The following BMAL2 variants were observed in gnomAD, a reference collection of about 807,000 sequenced individuals.
BMAL2 encodes basic helix-loop-helix ARNT-like protein 2.
the BMAL2 span, among the ~76,000 whole-genome samples, chr12:27,382,143 G>C: frequency 1.3e-5 from 2 of 152,098 alleles, no homozygotes; most frequent in Non-Finnish European, 2.9e-5. Context: ...CACAGCTGAG[G>C]CTTGCAATAT....
At chr12:27,424,275 T>G in the BMAL2 span, 4 of 152,238 alleles carry the variant, frequency 2.6e-5, no homozygotes. Flanking sequence ...GAACAATTAT[T>G]TATTGATCCT....
chr12:27,366,939 C>T, the BMAL2 span, among the ~76,000 whole-genome samples: 10 of 152,272 alleles, frequency 6.6e-5, no homozygotes, highest in South Asian at 2.1e-4. Flanking sequence ...TGATGACAGT[C>T]GGCCCCTCTT....
the BMAL2 span, among the ~76,000 whole-genome samples, chr12:27,402,110 G>C: frequency 6.6e-6 from 1 of 152,142 alleles, no homozygotes; most frequent in African/African-American, 2.4e-5. Context: ...TCCAGCCCAG[G>C]TGTTGCTTTA....
the BMAL2 span, chr12:27,403,585 A>G: frequency 4.0e-6 from 5 of 1,236,842 alleles, no homozygotes; most frequent in Non-Finnish European, 5.8e-6. Flanking sequence ...TAAAAATATC[A>G]TATTTATAAA....
the BMAL2 span, among the ~76,000 whole-genome samples, chr12:27,409,353 A>G: frequency 2.6e-5 from 4 of 152,170 alleles, no homozygotes; most frequent in African/African-American, 7.2e-5. Flanking sequence ...TGTACTACAA[A>G]GCTACAGTAA....
At chr12:27,390,767 C>T in the BMAL2 span, among the ~76,000 whole-genome samples, 2 of 152,030 alleles carry the variant, frequency 1.3e-5, no homozygotes, top group Non-Finnish European at 2.9e-5. Flanking sequence ...ATTAAATAGT[C>T]ATCTATTTAA....
At chr12:27,333,857 C>T in the BMAL2 span, among the ~76,000 whole-genome samples, 1 of 152,270 alleles carries the variant, frequency 6.6e-6, no homozygotes, top group Non-Finnish European at 1.5e-5. Context: ...CGCTAGTATT[C>T]ACTGGCAGTA....
the BMAL2 span, among the ~76,000 whole-genome samples, chr12:27,399,825 A>G: frequency 1.1e-4 from 16 of 152,128 alleles, no homozygotes; most frequent in African/African-American, 3.9e-4. Context: ...CTCATTGTTT[A>G]TGCCCGTATT....
At chr12:27,400,748 T>C in the BMAL2 span, 1 of 1,611,372 alleles carries the variant, frequency 6.2e-7, no homozygotes, top group Non-Finnish European at 8.5e-7. Context: ...TTGCAGTGAA[T>C]GGAAAATTTG....
chr12:27,414,014 G>A, the BMAL2 span, among the ~76,000 whole-genome samples: 1 of 151,790 alleles, frequency 6.6e-6, no homozygotes, highest in African/African-American at 2.4e-5. Flanking sequence ...CTGCACTCCA[G>A]CATGGGCAAC....
At chr12:27,361,039 A>T in the BMAL2 span, among the ~76,000 whole-genome samples, 3 of 152,188 alleles carry the variant, frequency 2.0e-5, no homozygotes, top group South Asian at 6.2e-4. Context: ...GAAAGTAGGT[A>T]ATGGAACAAA....
chr12:27,369,807 T>C, the BMAL2 span, among the ~76,000 whole-genome samples: 1 of 152,196 alleles, frequency 6.6e-6, no homozygotes, highest in Non-Finnish European at 1.5e-5. Flanking sequence ...GTGGAGTCAG[T>C]GCTAGCAAAA....
At chr12:27,392,782 A>G in the BMAL2 span, among the ~76,000 whole-genome samples, 1 of 152,192 alleles carries the variant, frequency 6.6e-6, no homozygotes, top group African/African-American at 2.4e-5. Flanking sequence ...CAAATTTTGT[A>G]TGTGTTTTAA....
chr12:27,332,873 T>C, the BMAL2 span: 1 of 202,190 alleles, frequency 4.9e-6, no homozygotes, highest in Non-Finnish European at 9.4e-6. Context: ...GCATGCTCAG[T>C]AGCTGCTGCC....
the BMAL2 span, among the ~76,000 whole-genome samples, chr12:27,378,281 T>A: frequency 2.6e-5 from 4 of 152,372 alleles, no homozygotes; most frequent in South Asian, 8.3e-4. Context: ...TAGTGCGTCT[T>A]ACAATTGGTG....
At chr12:27,421,175 AAG>A in the BMAL2 span, 2 of 152,180 alleles carry the variant, frequency 1.3e-5, no homozygotes, top group African/African-American at 4.8e-5. Flanking sequence ...AGAAAGTCAA[AAG>A]AGTTTCAGCT....
At chr12:27,407,404 T>C in the BMAL2 span, among the ~76,000 whole-genome samples, 1 of 152,062 alleles carries the variant, frequency 6.6e-6, no homozygotes, top group African/African-American at 2.4e-5. Flanking sequence ...TCTCAGACCA[T>C]ATTGCAATCA....
chr12:27,411,594 T>C, the BMAL2 span, among the ~76,000 whole-genome samples: 2 of 152,188 alleles, frequency 1.3e-5, no homozygotes, highest in Non-Finnish European at 2.9e-5. Context: ...TACTGATTAG[T>C]GATATCGACT....
the BMAL2 span, among the ~76,000 whole-genome samples, chr12:27,394,807 C>T: frequency 6.6e-6 from 1 of 152,198 alleles, no homozygotes. Context: ...ATGAGGACCT[C>T]ATCATGGGAT....
Sources: allele counts gnomAD v4.1 joint callset (sites outside exome capture counted in the v4.1 genomes callset), GRCh38; gene constraint gnomAD v4.1.1; transcripts MANE v1.5; gene names NCBI Gene and HGNC (gene_info 2026-07-23, HGNC 2026-07-21).